Variants in ATP8A2 observed in about 807,000 individuals in gnomAD.
ATP8A2 encodes the protein ATPase phospholipid transporting 8A2.
A neutral mutation model predicts 165.6 loss-of-function variants in ATP8A2; 100 were observed. That is an observed-to-expected ratio of 0.60 (90% CI 0.51 to 0.71). The LOEUF (loss-of-function observed/expected upper bound fraction) is 0.71. Ranked by LOEUF, ATP8A2 falls within the 30% of genes least tolerant of loss-of-function variation. ATP8A2 has a pLI of 0.00. For missense variants in ATP8A2, 1,227 were observed against 1,479.5 expected, an observed-to-expected ratio of 0.83 and a Z score of 2.80; for synonymous variants, 543 against 548.8, an observed-to-expected ratio of 0.99 and a Z score of 0.15.
intron 33 of ATP8A2, among the ~76,000 whole-genome samples, chr13:25,878,828 C>A (rs577675819): frequency 6.6e-6 from 1 of 152,170 alleles, no homozygotes; most frequent in Admixed American, 6.5e-5. Flanking sequence ...TCTCCACTCA[C>A]GTCCATCACC....
At chr13:25,693,539 G>A (rs942434359) in intron 24 of ATP8A2, among the ~76,000 whole-genome samples, 2 of 152,098 alleles carry the variant, frequency 1.3e-5, no homozygotes, top group Admixed American at 1.3e-4. Context: ...AGGGCAGGGA[G>A]AAGAGAATGG....
At chr13:25,947,177 C>T (rs1955235333) in intron 33 of ATP8A2, among the ~76,000 whole-genome samples, 2 of 152,122 alleles carry the variant, frequency 1.3e-5, no homozygotes, top group African/African-American at 4.8e-5. Context: ...ATTTAGGATC[C>T]AGGGGTCTTC....
At chr13:25,997,935 A>G (rs906332217) in intron 35 of ATP8A2, among the ~76,000 whole-genome samples, 9 of 152,016 alleles carry the variant, frequency 5.9e-5, no homozygotes, top group Non-Finnish European at 7.4e-5. Context: ...TCTATTGATC[A>G]TTTTTATTTT....
chr13:25,905,469 C>A (rs1953909442), intron 33 of ATP8A2, among the ~76,000 whole-genome samples: 1 of 152,026 alleles, frequency 6.6e-6, no homozygotes, highest in Non-Finnish European at 1.5e-5. Context: ...TTTCTGGTTT[C>A]TCCTAGCATT....
At chr13:26,017,358 C>T (rs942231112) in intron 36 of ATP8A2, among the ~76,000 whole-genome samples, 20 of 152,242 alleles carry the variant, frequency 1.3e-4, no homozygotes, top group African/African-American at 4.8e-4. Context: ...AAGTTGACCA[C>T]AGTACATAGC....
intron 24 of ATP8A2, among the ~76,000 whole-genome samples, chr13:25,681,537 G>A (rs531653969): frequency 1.3e-5 from 2 of 151,906 alleles, no homozygotes; most frequent in African/African-American, 4.8e-5. Flanking sequence ...AGTCCACGCA[G>A]GGAAACGTGC....
At chr13:25,836,165 T>TG in intron 28 of ATP8A2, among the ~76,000 whole-genome samples, 1 of 119,684 alleles carries the variant, frequency 8.4e-6, no homozygotes, top group East Asian at 2.5e-4. Context: ...AATCTCCTGT[T>TG]TTTTGTTTGT....
chr13:25,851,943 A>G (rs1456207054), intron 30 of ATP8A2, among the ~76,000 whole-genome samples: 1 of 152,122 alleles, frequency 6.6e-6, no homozygotes, highest in East Asian at 1.9e-4. Context: ...CTTGGGCTCA[A>G]GCAACCGTCC....
chr13:25,718,349 A>T (rs1211352446), intron 25 of ATP8A2, among the ~76,000 whole-genome samples: 1 of 152,118 alleles, frequency 6.6e-6, no homozygotes, highest in Admixed American at 6.5e-5. Flanking sequence ...AAAAATTTAA[A>T]TGACATATAA....
intron 33 of ATP8A2, among the ~76,000 whole-genome samples, chr13:25,930,031 T>G (rs949320023): frequency 1.3e-5 from 2 of 152,272 alleles, no homozygotes; most frequent in South Asian, 2.1e-4. Context: ...CTGCCCCACG[T>G]GCCTTTGCTC....
intron 24 of ATP8A2, among the ~76,000 whole-genome samples, chr13:25,616,840 T>A (rs956683043): frequency 6.6e-6 from 1 of 152,086 alleles, no homozygotes. Context: ...GGGTACAAAG[T>A]GTTGTGCAGA....
intron 25 of ATP8A2, among the ~76,000 whole-genome samples, chr13:25,711,687 C>G (rs2043162706): frequency 6.6e-6 from 1 of 152,094 alleles, no homozygotes; most frequent in South Asian, 2.1e-4. Flanking sequence ...CCACTAGGGT[C>G]ACAAGTCTCT....
At chr13:25,446,220 A>C (rs1323187027) in intron 1 of ATP8A2, among the ~76,000 whole-genome samples, 1 of 152,116 alleles carries the variant, frequency 6.6e-6, no homozygotes, top group Admixed American at 6.5e-5. Context: ...CCCCCAATTC[A>C]GAGAAAGACC....
At chr13:25,614,888 C>A (rs2040782274) in intron 24 of ATP8A2, among the ~76,000 whole-genome samples, 1 of 152,224 alleles carries the variant, frequency 6.6e-6, no homozygotes, top group Non-Finnish European at 1.5e-5. Context: ...GATACCAGCA[C>A]CTGCTTTGTT....
rs752343577 is a variant in ATP8A2 at position 25,953,533 on chromosome 13, AAAAAAAAAAAAAAG to A, written c.3184-8041_3184-8028del. ...TACTCCAGCCTTTTTAAAAAAAAAA[AAAAAAAAAAAAAAG>A]CAAGGGAAATAGGCAAGACGGCCAA... On this transcript the variant is annotated intron_variant, in intron 33 of 36. Coordinates refer to ENST00000381655, the MANE Select transcript of ATP8A2 (RefSeq NM_016529.6). The surrounding 1 kb of genome is among the most constrained non-coding windows in gnomAD (Gnocchi z 6.7). 2.5e-3 allele frequency among the ~76,000 whole-genome samples: 344 copies of A among 139,614 alleles called. 1 individual carries two copies. In the Middle Eastern group the frequency reaches 0.036, roughly 15 times the overall value. The allele number at this position is 139,614 out of a possible 152,430, so 91.6% of individuals were successfully genotyped here.
intron 28 of ATP8A2, among the ~76,000 whole-genome samples, chr13:25,832,658 TAAG>T (rs1443793703): frequency 6.6e-6 from 1 of 152,158 alleles, no homozygotes; most frequent in Non-Finnish European, 1.5e-5. Flanking sequence ...ATTCCCAAAA[TAAG>T]AACTCTAAAT....
In ATP8A2 at chr13:25,832,000, C is replaced by T. The variant is rs189880223; in HGVS notation, c.2754+3808C>T. ...TGTTGCCCAGGCTGGAGTGCAATGG[C>T]GCAATCTTGGCTCACTGCAACCTCT... On this transcript the variant is annotated intron_variant, in intron 28 of 36. Coordinates refer to ENST00000381655, the MANE Select transcript of ATP8A2 (RefSeq NM_016529.6). Among the ~76,000 whole-genome samples, 17 of 151,800 alleles carry T rather than the reference C, an allele frequency of 1.1e-4. No homozygotes were observed. The East Asian group carries it at 1.2e-3, about 10-fold the overall frequency.
rs1378920265 is a variant in ATP8A2 at position 25,726,101 on chromosome 13, AGTG to A, written c.2384+26760_2384+26762del. Among the ~76,000 whole-genome samples the A allele has an allele frequency of 2.0e-5, 3 of 152,200 alleles. No homozygotes were observed. The East Asian group carries it at 5.8e-4, about 29-fold the overall frequency. On this transcript the variant is annotated intron_variant, in intron 25 of 36. Transcript: ENST00000381655. ...TGGACCCGTTTGTTTCGAATGCATC[AGTG>A]GTGTTTATTATTTAAAGAAATTCTT...
At chr13:25,559,910 C>G in intron 15 of ATP8A2, 145 bp downstream of exon 15, 1 of 612,566 alleles carries the variant, frequency 1.6e-6, no homozygotes, top group Non-Finnish European at 2.8e-6. Flanking sequence ...TCACTGTAGT[C>G]ACGAACTCCT....
Sources: allele counts gnomAD v4.1 joint callset (sites outside exome capture counted in the v4.1 genomes callset), GRCh38; gene constraint gnomAD v4.1.1; non-coding constraint Gnocchi (gnomAD v3.1); transcripts MANE v1.5; gene names NCBI Gene and HGNC (gene_info 2026-07-23, HGNC 2026-07-21).